B3GALNT2: variants seen among roughly 807,000 people sequenced by gnomAD.
B3GALNT2 encodes the protein beta-1,3-N-acetylgalactosaminyltransferase 2, also known as UDP-GalNAc:beta-1,3-N-acetylgalactosaminyltransferase 2.
Under a neutral mutation model 61.1 loss-of-function variants are expected in B3GALNT2, and 53 were observed. That is an observed-to-expected ratio of 0.87 (90% confidence interval 0.70 to 1.09). B3GALNT2 has a LOEUF of 1.09. B3GALNT2 is among the 50% of genes least tolerant of loss of function. The pLI is 0.00. For missense variants in B3GALNT2, 544 were observed against 623.0 expected, an observed-to-expected ratio of 0.87 and a Z score of 1.35; for synonymous variants, 223 against 237.4, an observed-to-expected ratio of 0.94 and a Z score of 0.56.
intron 4 of B3GALNT2, among the ~76,000 whole-genome samples, chr1:235,482,752 A>T (rs925662607): frequency 9.9e-5 from 15 of 152,102 alleles, no homozygotes; most frequent in Admixed American, 7.9e-4. Flanking sequence ...GCTTGAGCCC[A>T]GGAGTTTAAG....
chr1:235,442,845 C>T, downstream of B3GALNT2: 1 of 1,613,710 alleles, frequency 6.2e-7, no homozygotes. Context: ...CTTTGTTTCT[C>T]TTAAAGCACT....
chr1:235,440,145 T>A, the B3GALNT2 span, among the ~76,000 whole-genome samples: 2 of 152,118 alleles, frequency 1.3e-5, no homozygotes, highest in African/African-American at 2.4e-5. Flanking sequence ...TAATTTTTTG[T>A]ATTTTTAGTA....
chr1:235,476,385 T>C (rs1684280419), intron 5 of B3GALNT2, among the ~76,000 whole-genome samples: 1 of 152,016 alleles, frequency 6.6e-6, no homozygotes, highest in African/African-American at 2.4e-5. Context: ...CACTCCCGCC[T>C]GGGTGACAGA....
intron 1 of B3GALNT2, chr1:235,496,326 G>C: frequency 1.1e-6 from 1 of 914,630 alleles, no homozygotes; most frequent in Non-Finnish European, 1.4e-6. Flanking sequence ...AAAAAAAAAA[G>C]TTCCATTCCA....
chr1:235,448,502 A>G lies in B3GALNT2; in HGVS notation c.*1704T>C. 1 of 1,523,468 alleles carries G rather than the reference A, an allele frequency of 6.6e-7. No individual in the cohort carries two copies. Among genetic ancestry groups the G allele is most frequent in the Non-Finnish European group, 9.1e-7 (1 of 1,097,776 alleles). 94.4% of individuals were successfully genotyped at this position (1,523,468 alleles called of 1,614,324 possible). On this transcript the variant is annotated 3_prime_UTR_variant, in exon 12 of 12. Transcript: ENST00000366600. ...CTTAGTCCTCGTATTATGACATTAA[A>G]CTGTCTCTAGATAGCAACAGTTTGA...
At chr1:235,481,866 G>C (rs941976459) in intron 4 of B3GALNT2, among the ~76,000 whole-genome samples, 6 of 152,072 alleles carry the variant, frequency 3.9e-5, no homozygotes, top group Non-Finnish European at 7.3e-5. Flanking sequence ...GGCATCATCA[G>C]TAGAAATCCT....
chr1:235,474,062 C>G (rs1332477119), intron 5 of B3GALNT2, among the ~76,000 whole-genome samples: 1 of 152,210 alleles, frequency 6.6e-6, no homozygotes, highest in Non-Finnish European at 1.5e-5. Context: ...AATAACCCAT[C>G]AGCTGTTTTG....
chr1:235,490,812 T>C (rs907844422), intron 2 of B3GALNT2, among the ~76,000 whole-genome samples: 14 of 152,090 alleles, frequency 9.2e-5, no homozygotes, highest in African/African-American at 3.4e-4. Context: ...TTGAGATCAT[T>C]TATATTTATT....
downstream of B3GALNT2, among the ~76,000 whole-genome samples, chr1:235,443,399 G>A (rs994854759): frequency 1.5e-4 from 23 of 151,988 alleles, no homozygotes; most frequent in African/African-American, 4.3e-4. Context: ...ATGGGTTTTC[G>A]CCATGTTGCC....
intron 5 of B3GALNT2, among the ~76,000 whole-genome samples, chr1:235,474,022 C>A (rs1684124744): frequency 6.6e-6 from 1 of 152,164 alleles, no homozygotes; most frequent in Admixed American, 6.5e-5. Flanking sequence ...CTAGTCCTCC[C>A]AAATCATCTT....
At position 235,460,456 on chromosome 1, in the gene B3GALNT2, A is replaced by T. The variant is rs1226322783; in HGVS notation, c.842-1670T>A. Among the ~76,000 whole-genome samples, 41 of 69,840 alleles carry T rather than the reference A, an allele frequency of 5.9e-4. No individual in the cohort carries two copies. The South Asian group carries it at 6.3e-3, about 11-fold the overall frequency. The allele number at this position is 69,840 out of a possible 152,430, so 45.8% of individuals were successfully genotyped here. ...ACTGTGCCTGGCCATGTTTTATTTA[A>T]AAAAAAAAAAAAAAAATTAGAAATG... On this transcript the variant is annotated intron_variant, in intron 7 of 11. Coordinates refer to ENST00000366600, the MANE Select transcript of B3GALNT2 (RefSeq NM_152490.5).
chr1:235,440,017 C>T, the B3GALNT2 span, among the ~76,000 whole-genome samples: 1 of 152,102 alleles, frequency 6.6e-6, no homozygotes, highest in Non-Finnish European at 1.5e-5. Context: ...GTCGCCCAGG[C>T]TGGAGTGCAG....
intron 1 of B3GALNT2, among the ~76,000 whole-genome samples, 153 bp downstream of exon 1, chr1:235,503,988 C>T (rs961844459): frequency 3.1e-4 from 47 of 152,214 alleles, no homozygotes; most frequent in Admixed American, 3.1e-3. Context: ...GATGTTAACG[C>T]TCCAAGGATG....
chr1:235,474,950 C>CATATATATATATATATAT (rs1159752267), intron 5 of B3GALNT2, among the ~76,000 whole-genome samples: 14 of 39,350 alleles, frequency 3.6e-4, no homozygotes, highest in Admixed American at 4.8e-4. Context: ...AAATTAGAGA[C>CATATATATATATATATAT]ATATATATAT....
At chr1:235,482,843 C>T (rs1382194026) in intron 4 of B3GALNT2, among the ~76,000 whole-genome samples, 2 of 151,834 alleles carry the variant, frequency 1.3e-5, no homozygotes, top group Admixed American at 6.6e-5. Flanking sequence ...ACAAAAAAAC[C>T]GAAACCCAAA....
At chr1:235,462,880 C>T (rs1036653639) in intron 7 of B3GALNT2, among the ~76,000 whole-genome samples, 6 of 152,130 alleles carry the variant, frequency 3.9e-5, no homozygotes, top group Admixed American at 2.6e-4. Flanking sequence ...TTTGATCCAG[C>T]GATCCCATTA....
intron 9 of B3GALNT2, 32 bp downstream of exon 9, chr1:235,455,527 G>A (rs770828542): frequency 2.5e-5 from 40 of 1,601,752 alleles, no homozygotes; most frequent in Non-Finnish European, 2.7e-5. Flanking sequence ...TCAGGTACAC[G>A]AATGCCAATG....
intron 2 of B3GALNT2, among the ~76,000 whole-genome samples, chr1:235,493,775 C>CAAAAAAAAAAAAAAAAAAAAAAAAAAAA (rs750114299): frequency 7.2e-6 from 1 of 138,668 alleles, no homozygotes; most frequent in African/African-American, 2.7e-5. Flanking sequence ...AACTCCATCT[C>CAAAAAAAAAAAAAAAAAAAAAAAAAAAA]AAAAAAAAAA....
chr1:235,480,174 GA>G (rs748146984), intron 4 of B3GALNT2, 25 bp from the exon 5 acceptor site: 14 of 1,609,902 alleles, frequency 8.7e-6, no homozygotes, highest in Middle Eastern at 1.7e-4. Context: ...AAAAAGACAA[GA>G]AAAAATACTT....
Sources: gnomAD v4.1 joint callset for allele counts (sites outside exome capture counted in the v4.1 genomes callset) on GRCh38, gnomAD v4.1.1 for gene constraint, MANE v1.5 for transcripts, NCBI Gene and HGNC (gene_info 2026-07-23, HGNC 2026-07-21) for gene names.